The following SNX29 variants were observed in gnomAD, a reference collection of about 807,000 sequenced individuals.
The protein encoded by SNX29 is sorting nexin 29.
Under a neutral mutation model 102.1 loss-of-function variants are expected in SNX29, and 78 were observed. The observed-to-expected ratio is 0.76, with a 90% CI of 0.64 to 0.92. The LOEUF (loss-of-function observed/expected upper bound fraction) is 0.92. Among genes scored for constraint, SNX29 ranks in the 40% least tolerant of loss-of-function variants. The probability of loss-of-function intolerance (pLI) is 0.00; values close to 1 mark genes in which losing one functional copy is unlikely to be tolerated. For missense variants in SNX29, 1,280 were observed against 1,061.7 expected (o/e 1.21, Z -2.86); for synonymous variants, 580 against 414.5 (o/e 1.40, Z -4.85).
At chr16:12,335,365 G>A (rs144494867) in intron 15 of SNX29, among the ~76,000 whole-genome samples, 137 of 152,236 alleles carry the variant, frequency 9.0e-4, no homozygotes, top group Non-Finnish European at 1.4e-3. Context: ...AATCAGTGAT[G>A]TTTAGTGGTG....
chr16:12,098,054 A>T lies in SNX29; in HGVS notation c.1402+19139A>T, dbSNP rs575252200. ...CTTTGTCCGTTTCCTTATTTCCAAA[A>T]GGAGGTGAATAGCACTTGCCATGTG... is the stretch of plus-strand genomic sequence containing the variant. On this transcript the variant is annotated intron_variant, in intron 11 of 20. Transcript: ENST00000566228. This position sits in a 1 kb window ranked among gnomAD's most constrained non-coding sequence, Gnocchi z 6.0. Among the ~76,000 whole-genome samples the T allele has an allele frequency of 1.3e-5, 2 of 152,302 alleles. No homozygotes were observed. Among genetic ancestry groups the T allele is most frequent in the East Asian group, 3.9e-4 (2 of 5,176 alleles).
At chr16:12,537,833 T>C (rs1363614008) in intron 20 of SNX29, among the ~76,000 whole-genome samples, 1 of 151,998 alleles carries the variant, frequency 6.6e-6, no homozygotes, top group Non-Finnish European at 1.5e-5. Flanking sequence ...TATAAGAAGT[T>C]GTCTGGCTGG....
chr16:12,375,517 C>G (rs1163423653), intron 16 of SNX29: 1 of 152,218 alleles, frequency 6.6e-6, no homozygotes, highest in Non-Finnish European at 1.5e-5. Context: ...CACCTCAGGG[C>G]TCTCCTAGGG....
chr16:12,037,700 C>T (rs571244834), intron 4 of SNX29, among the ~76,000 whole-genome samples: 15 of 151,854 alleles, frequency 9.9e-5, no homozygotes, highest in African/African-American at 3.1e-4. Context: ...GCCTGTAATC[C>T]CAGTGCTTTG....
At chr16:12,452,369 A>AGCG (rs1567577773) in intron 18 of SNX29, among the ~76,000 whole-genome samples, 1 of 18,626 alleles carries the variant, frequency 5.4e-5, no homozygotes, top group Non-Finnish European at 8.5e-5. Context: ...GCTCCCATAC[A>AGCG]AGACTGTGTT....
intron 14 of SNX29, among the ~76,000 whole-genome samples, chr16:12,271,235 C>G (rs2079084064): frequency 2.0e-5 from 3 of 152,240 alleles, no homozygotes; most frequent in African/African-American, 7.2e-5. Flanking sequence ...AGGGTCTCCC[C>G]TAAGGCTCTG....
intron 20 of SNX29, among the ~76,000 whole-genome samples, chr16:12,541,751 A>G (rs1597845526): frequency 2.6e-5 from 4 of 152,206 alleles, no homozygotes; most frequent in African/African-American, 7.2e-5. Context: ...TGTGCCAGCC[A>G]GTGCCTGATA....
chr16:12,205,055 C>T lies in SNX29; in HGVS notation c.1678+5372C>T, dbSNP rs187415606. ...TGGCTGGGATGTCAGTTTCCCCGGC[C>T]TTCCAAAGAATGGGGCAGGGCATTT... is the stretch of plus-strand genomic sequence containing the variant. On this transcript the variant is annotated intron_variant, in intron 14 of 20. Transcript: ENST00000566228. Among the ~76,000 whole-genome samples, 445 of 152,346 alleles carry T rather than the reference C, an allele frequency of 2.9e-3. 5 individuals are homozygous for T. Among genetic ancestry groups the T allele is most frequent in the Non-Finnish European group, 9.7e-4 (66 of 68,036 alleles).
chr16:12,097,411 C>T (rs1013677181), intron 11 of SNX29, among the ~76,000 whole-genome samples: 11 of 152,198 alleles, frequency 7.2e-5, no homozygotes, highest in East Asian at 1.9e-4. Context: ...TATTTCAGGC[C>T]GACTTCCCGC....
intron 15 of SNX29, among the ~76,000 whole-genome samples, chr16:12,330,580 A>C (rs2081265963): frequency 6.6e-6 from 1 of 152,218 alleles, no homozygotes; most frequent in African/African-American, 2.4e-5. Context: ...TTTTTACAGA[A>C]TATGGAAACT....
At chr16:12,335,152 G>A (rs2081410006) in intron 15 of SNX29, among the ~76,000 whole-genome samples, 1 of 151,986 alleles carries the variant, frequency 6.6e-6, no homozygotes, top group Non-Finnish European at 1.5e-5. Context: ...CAGAGGGGCT[G>A]CAATCTCCAG....
intron 18 of SNX29, among the ~76,000 whole-genome samples, chr16:12,461,761 A>C (rs13337534): frequency 6.6e-6 from 1 of 150,528 alleles, no homozygotes; most frequent in Non-Finnish European, 1.5e-5. Context: ...GTTCAAGACC[A>C]GCTTGGCTAA....
intron 18 of SNX29, among the ~76,000 whole-genome samples, chr16:12,455,410 A>G (rs1227837647): frequency 1.3e-5 from 2 of 151,988 alleles, no homozygotes; most frequent in African/African-American, 4.8e-5. Flanking sequence ...CGGCTTGGCC[A>G]GCACCCGCCG....
chr16:12,499,832 T>A (rs895634849), intron 19 of SNX29, among the ~76,000 whole-genome samples: 1 of 152,010 alleles, frequency 6.6e-6, no homozygotes, highest in Non-Finnish European at 1.5e-5. Context: ...CGCACAACCA[T>A]GCCTGGCTAA....
chr16:12,061,754 G>A (rs776521039), intron 9 of SNX29, 108 bp downstream of exon 9: 57 of 929,230 alleles, frequency 6.1e-5, no homozygotes, highest in African/African-American at 2.1e-4. Flanking sequence ...CGGGAGGCAC[G>A]GGAGTCGGGG....
At chr16:12,231,382 G>A (rs748567563) in intron 14 of SNX29, among the ~76,000 whole-genome samples, 1 of 152,090 alleles carries the variant, frequency 6.6e-6, no homozygotes, top group East Asian at 1.9e-4. Flanking sequence ...ATACAATTTT[G>A]TTTGTTGCTT....
intron 18 of SNX29, among the ~76,000 whole-genome samples, chr16:12,459,151 C>G (rs2086667180): frequency 7.1e-6 from 1 of 141,170 alleles, no homozygotes; most frequent in African/African-American, 2.6e-5. Context: ...CTCCCCCTCT[C>G]CACTTCCCCT....
intron 14 of SNX29, among the ~76,000 whole-genome samples, chr16:12,244,622 T>C (rs2142326213): frequency 6.6e-6 from 1 of 151,542 alleles, no homozygotes; most frequent in African/African-American, 2.4e-5. Flanking sequence ...AAAAAAAAAA[T>C]CATCCAAATC....
rs2079137298 is a variant in SNX29 at position 12,569,393 on chromosome 16, TCAG to T, written c.*770_*772del. On this transcript the variant is annotated 3_prime_UTR_variant, in exon 21 of 21. Transcript: ENST00000566228. ...GGGACTCAGACATCTGGCCCAGCCA[TCAG>T]CAGCAACCTAGTAACCCGGCGTCAT... 1 of 230,508 alleles carries T rather than the reference TCAG, an allele frequency of 4.3e-6. No individual in the cohort carries two copies. 14.3% of individuals were successfully genotyped at this position (230,508 alleles called of 1,614,324 possible).
Sources: allele counts gnomAD v4.1 joint callset (sites outside exome capture counted in the v4.1 genomes callset), GRCh38; gene constraint gnomAD v4.1.1; non-coding constraint Gnocchi (gnomAD v3.1); transcripts MANE v1.5; gene names NCBI Gene and HGNC (gene_info 2026-07-23, HGNC 2026-07-21).